Variants in KCNN3 observed in about 807,000 individuals in gnomAD.
The protein encoded by KCNN3 is potassium calcium-activated channel subfamily N member 3, also known as small conductance calcium-activated potassium channel protein 3.
KCNN3 carries 16 observed loss-of-function variants against 62.9 expected under a neutral mutation model. The ratio of observed to expected loss-of-function variants is 0.25; its 90% CI spans 0.17 to 0.39. The LOEUF (loss-of-function observed/expected upper bound fraction) is 0.39, where lower values mean the gene tolerates loss of function less well. KCNN3 is among the 10% of genes least tolerant of loss of function. KCNN3 has a pLI of 1.00. For synonymous variants in KCNN3, 370 were observed against 389.2 expected, an observed-to-expected ratio of 0.95 and a Z score of 0.58; for missense variants, 599 against 949.4, an observed-to-expected ratio of 0.63 and a Z score of 4.85.
chr1:154,769,411 C>A (rs1417287565), intron 3 of KCNN3, among the ~76,000 whole-genome samples: 2 of 152,134 alleles, frequency 1.3e-5, no homozygotes, highest in African/African-American at 4.8e-5. Context: ...TTAGCGGGGG[C>A]TTGTGACCCA....
At chr1:154,747,769 G>A (rs1331906527) in intron 3 of KCNN3, among the ~76,000 whole-genome samples, 2 of 152,182 alleles carry the variant, frequency 1.3e-5, no homozygotes, top group Admixed American at 6.5e-5. Context: ...CCTTAGGCTG[G>A]TGAAAAAGGC....
intron 3 of KCNN3, among the ~76,000 whole-genome samples, chr1:154,758,307 T>C (rs1342396346): frequency 6.6e-6 from 1 of 152,232 alleles, no homozygotes; most frequent in Non-Finnish European, 1.5e-5. Flanking sequence ...CAGGCAGTCC[T>C]GATCACAGGA....
intron 2 of KCNN3, among the ~76,000 whole-genome samples, chr1:154,803,499 C>T (rs894726716): frequency 6.6e-6 from 1 of 152,230 alleles, no homozygotes; most frequent in Non-Finnish European, 1.5e-5. Context: ...TGCCTTGAGA[C>T]AGTTGTTTTT....
chr1:154,779,367 C>A (rs1221312856), intron 2 of KCNN3, among the ~76,000 whole-genome samples: 1 of 152,148 alleles, frequency 6.6e-6, no homozygotes, highest in Admixed American at 6.5e-5. Flanking sequence ...CTAGCAGGAA[C>A]CCTCACCCGT....
intron 3 of KCNN3, among the ~76,000 whole-genome samples, chr1:154,746,280 G>C (rs1700933487): frequency 6.6e-6 from 1 of 152,172 alleles, no homozygotes; most frequent in Non-Finnish European, 1.5e-5. Context: ...TGGGGCACGG[G>C]GCCACTGCGC....
Position 154,703,311 on chromosome 1 carries a change from T to C in KCNN3, c.*4665A>G, listed in dbSNP as rs922788636. On this transcript the variant is annotated 3_prime_UTR_variant, in exon 8 of 8. Transcript: ENST00000271915. ...TCCCTAATGTTTATTTTGGCGGCAG[T>C]AGAGAAGGAAAGGATACTGTCTGGG... 14 of 152,084 alleles carry C rather than the reference T, an allele frequency of 9.2e-5. No homozygotes were observed. Among genetic ancestry groups the C allele is most frequent in the Non-Finnish European group, 4.4e-5 (3 of 68,018 alleles). 9.4% of individuals were successfully genotyped at this position (152,084 alleles called of 1,614,324 possible).
intron 3 of KCNN3, among the ~76,000 whole-genome samples, chr1:154,754,259 A>T (rs1647525190): frequency 6.6e-6 from 1 of 152,198 alleles, no homozygotes; most frequent in African/African-American, 2.4e-5. Flanking sequence ...GTGTAAGATG[A>T]CAGGGATCTG....
chr1:154,726,920 C>G (rs1700480753), intron 4 of KCNN3, among the ~76,000 whole-genome samples: 1 of 152,222 alleles, frequency 6.6e-6, no homozygotes, highest in Admixed American at 6.5e-5. Flanking sequence ...CTCACTTTCT[C>G]TCTCCTAATC....
chr1:154,702,102 G>C lies in KCNN3; in HGVS notation c.*5874C>G, dbSNP rs984527391. 1 of 151,978 alleles carries C rather than the reference G, an allele frequency of 6.6e-6. No homozygotes were observed. Among genetic ancestry groups the C allele is most frequent in the African/African-American group, 2.4e-5 (1 of 41,380 alleles). The allele number at this position is 151,978 out of a possible 1,614,324, so 9.4% of individuals were successfully genotyped here. A position where few individuals can be genotyped will look rare whatever the true frequency, so the allele number is the denominator to read the frequency against. ...GGGTAGAATTATTCCTCTACTCTTG[G>C]AATAATGTTCTTTTGTCTCTAATAC... On this transcript the variant is annotated 3_prime_UTR_variant, in exon 8 of 8. Coordinates refer to ENST00000271915, the MANE Select transcript of KCNN3 (RefSeq NM_002249.6).
chr1:154,780,995 C>T (rs902377520), intron 2 of KCNN3, among the ~76,000 whole-genome samples: 2 of 152,192 alleles, frequency 1.3e-5, no homozygotes, highest in African/African-American at 4.8e-5. Flanking sequence ...AAATTGTCCT[C>T]ATCTGAAACC....
chr1:154,840,091 CCTA>C (rs1651764755), intron 1 of KCNN3, among the ~76,000 whole-genome samples: 1 of 152,070 alleles, frequency 6.6e-6, no homozygotes, highest in South Asian at 2.1e-4. Flanking sequence ...TCTAGTATTT[CCTA>C]AAAGGTCACT....
intron 3 of KCNN3, among the ~76,000 whole-genome samples, chr1:154,768,305 C>T (rs1053878154): frequency 2.6e-5 from 4 of 152,208 alleles, no homozygotes; most frequent in African/African-American, 9.7e-5. Context: ...TATTATTTGA[C>T]ATTGGGAAAC....
intron 3 of KCNN3, among the ~76,000 whole-genome samples, chr1:154,767,586 G>T (rs1207043728): frequency 6.6e-6 from 1 of 152,224 alleles, no homozygotes; most frequent in Non-Finnish European, 1.5e-5. Flanking sequence ...ACCTGCTGCC[G>T]CAGTGAGGAC....
intron 5 of KCNN3, among the ~76,000 whole-genome samples, chr1:154,717,863 C>T (rs1444027003): frequency 6.6e-6 from 1 of 152,192 alleles, no homozygotes; most frequent in African/African-American, 2.4e-5. Flanking sequence ...TGTGCTTTCC[C>T]AGGTGGACAG....
chr1:154,780,681 G>A (rs1165711846), intron 2 of KCNN3, among the ~76,000 whole-genome samples: 1 of 151,520 alleles, frequency 6.6e-6, no homozygotes, highest in East Asian at 1.9e-4. Flanking sequence ...GGTTACCATG[G>A]AAGCAACATC....
At chr1:154,742,486 C>T (rs1166697885) in intron 3 of KCNN3, among the ~76,000 whole-genome samples, 3 of 152,162 alleles carry the variant, frequency 2.0e-5, no homozygotes, top group Admixed American at 6.5e-5. Flanking sequence ...CAGAGAGTTA[C>T]TGTGAGGGTT....
intron 6 of KCNN3, among the ~76,000 whole-genome samples, chr1:154,714,521 T>G (rs1700181688): frequency 3.2e-5 from 2 of 62,628 alleles, no homozygotes; most frequent in Admixed American, 1.9e-4. Context: ...GTGTGTGTGG[T>G]GTTTGTGTGT....
chr1:154,800,366 G>A (rs890188635), intron 2 of KCNN3, among the ~76,000 whole-genome samples: 7 of 152,258 alleles, frequency 4.6e-5, no homozygotes, highest in Middle Eastern at 3.4e-3. Flanking sequence ...ATTGGTACAC[G>A]GCGGTGGCCC....
chr1:154,811,677 T>G (rs1650413103), intron 2 of KCNN3, among the ~76,000 whole-genome samples: 1 of 152,170 alleles, frequency 6.6e-6, no homozygotes, highest in African/African-American at 2.4e-5. Context: ...ATTGTTGGGT[T>G]TTGGAGAATT....
Sources: allele counts gnomAD v4.1 joint callset (sites outside exome capture counted in the v4.1 genomes callset), GRCh38; gene constraint gnomAD v4.1.1; transcripts MANE v1.5; gene names NCBI Gene and HGNC (gene_info 2026-07-23, HGNC 2026-07-21).